The following WDFY3 variants were observed in gnomAD, a reference collection of about 807,000 sequenced individuals.
WDFY3 encodes WD repeat and FYVE domain-containing protein 3.
Under a neutral mutation model 409.6 loss-of-function variants are expected in WDFY3, and 66 were observed. The observed-to-expected ratio is 0.16, with a 90% CI of 0.13 to 0.20. The LOEUF (loss-of-function observed/expected upper bound fraction) is 0.20. Ranked by LOEUF, WDFY3 falls within the 10% of genes least tolerant of loss-of-function variation. The pLI, the probability that WDFY3 is intolerant of heterozygous loss-of-function variation, is 1.00. For synonymous variants in WDFY3, 1,521 were observed against 1,537.1 expected, an observed-to-expected ratio of 0.99 and a Z score of 0.25; for missense variants, 3,031 against 4,298.1, an observed-to-expected ratio of 0.71 and a Z score of 8.24.
At chr4:84,959,495 G>A (rs1374753577) in intron 1 of WDFY3, among the ~76,000 whole-genome samples, 1 of 152,124 alleles carries the variant, frequency 6.6e-6, no homozygotes, top group Non-Finnish European at 1.5e-5. Context: ...GCAGGTGGAG[G>A]TTGAAAATGA....
rs751185435 is a variant in WDFY3, at chr4:84,787,646, T to C, written c.3737A>G (p.Tyr1246Cys). ...SANPPVVSTV[Y>C]AYIGTPPAQR... ...GGCAGGTGGAGTACCAATGTAGGCA[T>C]AGACCGTGCTCACCACTGGTGGATT... The change falls in exon 23 of 68, where the codon TAT becomes TGT. Residue 1246 changes from tyrosine to cysteine, a missense_variant. This residue lies in a region of WDFY3 where 1,322 missense variants were observed against 1,697.9 expected (regional missense o/e 0.78). Transcript: ENST00000295888. The C allele has an allele frequency of 9.3e-6, 15 of 1,614,040 alleles. No homozygotes were observed. Among genetic ancestry groups the C allele is most frequent in the East Asian group, 2.2e-5 (1 of 44,888 alleles).
intron 36 of WDFY3, among the ~76,000 whole-genome samples, chr4:84,748,343 T>G (rs1739881070): frequency 6.6e-6 from 1 of 152,212 alleles, no homozygotes; most frequent in Non-Finnish European, 1.5e-5. Flanking sequence ...TACAGATGTG[T>G]AAATTGTATA....
chr4:84,691,847 A>T (rs1729318361), intron 59 of WDFY3, 62 bp from the exon 60 acceptor site: 1 of 1,425,164 alleles, frequency 7.0e-7, no homozygotes, highest in African/African-American at 1.4e-5. Context: ...ATTATCTCAT[A>T]GAGCATGATA....
intron 56 of WDFY3, among the ~76,000 whole-genome samples, chr4:84,701,035 G>A (rs1159833430): frequency 1.3e-5 from 2 of 152,202 alleles, no homozygotes; most frequent in African/African-American, 4.8e-5. Context: ...GCTTGAACCT[G>A]TAAGGCGGAG....
intron 4 of WDFY3, among the ~76,000 whole-genome samples, chr4:84,853,497 G>T (rs1368783128): frequency 6.6e-6 from 1 of 151,948 alleles, no homozygotes; most frequent in Non-Finnish European, 1.5e-5. Flanking sequence ...TTTAATGGAG[G>T]TGTTTATAAT....
At chr4:84,893,933 G>A (rs574800734) in intron 3 of WDFY3, among the ~76,000 whole-genome samples, 252 of 152,028 alleles carry the variant, frequency 1.7e-3, no homozygotes, top group Non-Finnish European at 3.1e-3. Context: ...AGGTTGCAAT[G>A]AGCCGAGGCT....
chr4:84,858,780 C>T (rs1401481610), intron 4 of WDFY3, among the ~76,000 whole-genome samples: 8 of 104,908 alleles, frequency 7.6e-5, no homozygotes, highest in African/African-American at 1.5e-4. Flanking sequence ...GATTGGGGCA[C>T]GGGGTGAGGG....
chr4:84,884,051 G>T (rs1179958723), intron 3 of WDFY3, among the ~76,000 whole-genome samples: 2 of 152,164 alleles, frequency 1.3e-5, no homozygotes, highest in African/African-American at 4.8e-5. Flanking sequence ...AAAGACTTGG[G>T]ACTCAAAAAG....
intron 3 of WDFY3, among the ~76,000 whole-genome samples, chr4:84,889,666 C>T (rs1377295864): frequency 6.6e-6 from 1 of 152,044 alleles, no homozygotes; most frequent in African/African-American, 2.4e-5. Flanking sequence ...TATGTGACGT[C>T]AGGAAAAGTA....
chr4:84,761,611 T>C (rs1057446550), intron 32 of WDFY3, among the ~76,000 whole-genome samples: 1 of 152,064 alleles, frequency 6.6e-6, no homozygotes, highest in Non-Finnish European at 1.5e-5. Context: ...AATTGACAAA[T>C]GGGATCTAAT....
intron 44 of WDFY3, 71 bp downstream of exon 44, chr4:84,733,311 A>T (rs1560620204): frequency 1.3e-6 from 2 of 1,514,626 alleles, no homozygotes; most frequent in East Asian, 4.5e-5. Flanking sequence ...GACTAAATAG[A>T]GAAAAAACGC....
At chr4:84,806,218 C>T (rs1267702044) in intron 15 of WDFY3, among the ~76,000 whole-genome samples, 1 of 152,134 alleles carries the variant, frequency 6.6e-6, no homozygotes, top group African/African-American at 2.4e-5. Context: ...AGTCACTAGA[C>T]TTGAATTTGT....
intron 4 of WDFY3, among the ~76,000 whole-genome samples, chr4:84,853,051 G>A (rs1312553240): frequency 6.7e-6 from 1 of 150,148 alleles, no homozygotes; most frequent in Non-Finnish European, 1.5e-5. Flanking sequence ...GAGCCACTGT[G>A]CCCGGCCAGA....
intron 61 of WDFY3, among the ~76,000 whole-genome samples, chr4:84,688,723 A>G (rs1049991278): frequency 5.9e-5 from 9 of 152,154 alleles, no homozygotes; most frequent in Non-Finnish European, 1.3e-4. Flanking sequence ...TTTTTTTAAA[A>G]AAATGCATAA....
At chr4:84,904,500 T>C (rs1480312043) in intron 2 of WDFY3, among the ~76,000 whole-genome samples, 1 of 152,214 alleles carries the variant, frequency 6.6e-6, no homozygotes, top group Non-Finnish European at 1.5e-5. Context: ...AGAGATGTAA[T>C]ACTTTCTCAT....
intron 5 of WDFY3, among the ~76,000 whole-genome samples, chr4:84,845,858 T>C (rs1758015964): frequency 6.6e-6 from 1 of 150,480 alleles, no homozygotes; most frequent in Non-Finnish European, 1.5e-5. Context: ...CTCCTAAAAA[T>C]CAGGAAGGGT....
At chr4:84,854,984 A>T (rs1403783103) in intron 4 of WDFY3, among the ~76,000 whole-genome samples, 4 of 152,180 alleles carry the variant, frequency 2.6e-5, no homozygotes, top group African/African-American at 9.6e-5. Context: ...CAACACATTC[A>T]ACTCAAAAGG....
intron 27 of WDFY3, among the ~76,000 whole-genome samples, chr4:84,775,773 A>G (rs957234724): frequency 6.6e-6 from 1 of 151,780 alleles, no homozygotes; most frequent in African/African-American, 2.4e-5. Flanking sequence ...CCCAAGCAGA[A>G]GAAACATTAA....
At chr4:84,714,946 T>C (rs1733593895) in intron 50 of WDFY3, among the ~76,000 whole-genome samples, 1 of 141,422 alleles carries the variant, frequency 7.1e-6, no homozygotes, top group Non-Finnish European at 1.5e-5. Context: ...CGAGACTCCG[T>C]CTCAAAAAAA....
Sources: gnomAD v4.1 joint callset for allele counts (sites outside exome capture counted in the v4.1 genomes callset) on GRCh38, gnomAD v4.1.1 for gene constraint, gnomAD v4.1.1 regional missense constraint, MANE v1.5 for transcripts, NCBI Gene and HGNC (gene_info 2026-07-23, HGNC 2026-07-21) for gene names.